PLA2G6: variants seen among roughly 807,000 people sequenced by gnomAD.
PLA2G6 encodes 85/88 kDa calcium-independent phospholipase A2.
In PLA2G6, 62 loss-of-function variants were observed where a neutral mutation model predicts 83.8. The observed-to-expected ratio is 0.74, with a 90% CI of 0.60 to 0.91. The LOEUF is 0.91. Ranked by LOEUF, PLA2G6 falls within the 40% of genes least tolerant of loss-of-function variation. PLA2G6 has a pLI of 0.00. For synonymous variants in PLA2G6, 417 were observed against 449.8 expected (o/e 0.93, Z 0.92); for missense variants, 944 against 1,102.0 (o/e 0.86, Z 2.03).
At chr22:38,126,089 G>A in intron 10 of PLA2G6, 1 of 486,316 alleles carries the variant, frequency 2.1e-6, no homozygotes, top group South Asian at 1.8e-5. Context: ...CTAGCCATAA[G>A]GAGATCAGGG....
At chr22:38,164,935 C>T (rs376037785) in intron 2 of PLA2G6, among the ~76,000 whole-genome samples, 1 of 151,506 alleles carries the variant, frequency 6.6e-6, no homozygotes, top group Admixed American at 6.6e-5. Flanking sequence ...CCCTGGAGAA[C>T]CCCAGGGCTC....
chr22:38,114,421 A>AAG (rs2087064956), intron 14 of PLA2G6, among the ~76,000 whole-genome samples: 1 of 152,064 alleles, frequency 6.6e-6, no homozygotes. Context: ...TCCTGACCTC[A>AAG]TGATCCACTT....
chr22:38,122,491 G>A (rs761488014), intron 11 of PLA2G6, among the ~76,000 whole-genome samples: 3 of 152,314 alleles, frequency 2.0e-5, no homozygotes, highest in Non-Finnish European at 4.4e-5. Context: ...TTCGCAAAGC[G>A]GCAGTGAAAG....
At chr22:38,157,852 T>G (rs1011314964) in intron 2 of PLA2G6, among the ~76,000 whole-genome samples, 1 of 151,904 alleles carries the variant, frequency 6.6e-6, no homozygotes, top group Non-Finnish European at 1.5e-5. Context: ...CTGGCCAACA[T>G]GGTGAAACCC....
At chr22:38,122,495 G>A (rs1037741544) in intron 11 of PLA2G6, among the ~76,000 whole-genome samples, 3 of 152,168 alleles carry the variant, frequency 2.0e-5, no homozygotes, top group African/African-American at 7.2e-5. Flanking sequence ...CAAAGCGGCA[G>A]TGAAAGGAGA....
At chr22:38,113,777 C>T (rs12165464) in intron 14 of PLA2G6, 123 bp from the exon 15 acceptor site, 1 of 886,258 alleles carries the variant, frequency 1.1e-6, no homozygotes, top group Admixed American at 1.8e-5. Context: ...CAAGAGGTCT[C>T]TGGTGGCAAG....
chr22:38,129,542 G>T lies in PLA2G6; in HGVS notation c.1098C>A (p.Ile366=). The change falls in exon 8 of 17, where the codon ATC becomes ATA. Residue 366 remains isoleucine (I), a synonymous_variant. Coordinates refer to ENST00000332509, the MANE Select transcript of PLA2G6 (RefSeq NM_003560.4). ...CTGCTCCGAACACGATGAGGGCCTTGATCATCTCCACGTTGTCTTTCTGTT... is the reference window on the plus strand; with the variant it reads ...CTGCTCCGAACACGATGAGGGCCTTTATCATCTCCACGTTGTCTTTCTGTT... ...LAMSKDNVEM[I]KALIVFGAEV... is the part of the protein sequence containing the mutation. The T allele has an allele frequency of 6.2e-7, 1 of 1,613,478 alleles. No individual in the cohort carries two copies. The highest frequency in any genetic ancestry group is 1.3e-5 in the African/African-American group (1 of 75,028).
intron 2 of PLA2G6, among the ~76,000 whole-genome samples, chr22:38,156,977 GAAGTACTAAGAGGA>G (rs1309482886): frequency 6.6e-6 from 1 of 152,094 alleles, no homozygotes; most frequent in East Asian, 1.9e-4. Flanking sequence ...TACAGGGAAA[GAAGTACTAAGAGGA>G]AAGTTGTACC....
At chr22:38,179,333 A>G (rs977382123) in intron 1 of PLA2G6, among the ~76,000 whole-genome samples, 1 of 152,220 alleles carries the variant, frequency 6.6e-6, no homozygotes, top group African/African-American at 2.4e-5. Context: ...GGTAAGAAAC[A>G]GAGAGGCATC....
intron 12 of PLA2G6, among the ~76,000 whole-genome samples, chr22:38,117,660 G>A (rs141962592): frequency 3.2e-4 from 48 of 152,288 alleles, no homozygotes; most frequent in African/African-American, 9.1e-4. Flanking sequence ...GAAGCAAAAC[G>A]TGTATCCAAC....
intron 7 of PLA2G6, chr22:38,130,199 G>A (rs1021015172): frequency 5.6e-6 from 1 of 179,968 alleles, no homozygotes; most frequent in African/African-American, 2.4e-5. Flanking sequence ...CCTAGAGAAT[G>A]AAGCTGTGGG....
rs1602261191 is a variant in PLA2G6 at position 38,167,261 on chromosome 22, T to C, written c.209+1957A>G. Among the ~76,000 whole-genome samples the C allele has an allele frequency of 2.0e-5, 3 of 150,936 alleles. No individual in the cohort carries two copies. In the South Asian group the frequency reaches 6.3e-4, roughly 32 times the overall value. ...AAAAAAAAGAAAACAAAAAATCCTG[T>C]AAACTATAAAGTACCACAGAATAGC... On this transcript the variant is annotated intron_variant, in intron 2 of 16. Transcript: ENST00000332509.
chr22:38,158,742 T>C (rs186544228), intron 2 of PLA2G6, among the ~76,000 whole-genome samples: 15 of 152,340 alleles, frequency 9.8e-5, no homozygotes, highest in African/African-American at 2.9e-4. Context: ...TGTTAGTTGG[T>C]AGGACAACTG....
chr22:38,173,940 T>C (rs1255303886), intron 1 of PLA2G6, among the ~76,000 whole-genome samples: 3 of 152,012 alleles, frequency 2.0e-5, no homozygotes, highest in Non-Finnish European at 2.9e-5. Flanking sequence ...TGGTCCCAGC[T>C]ACTCGGGAGG....
intron 2 of PLA2G6, among the ~76,000 whole-genome samples, chr22:38,155,137 G>GA (rs1456061111): frequency 6.6e-6 from 1 of 151,934 alleles, no homozygotes; most frequent in African/African-American, 2.4e-5. Flanking sequence ...TGAGGCAGAA[G>GA]AATGGTGTGA....
At position 38,181,714 on chromosome 22, in the gene PLA2G6, T is replaced by A. The variant is rs890583792; in HGVS notation, c.-96A>T. 2.0e-5 allele frequency: 3 copies of A among 152,206 alleles called. No individual in the cohort carries two copies. Among genetic ancestry groups the A allele is most frequent in the Non-Finnish European group, 2.9e-5 (2 of 68,062 alleles). 9.4% of individuals were successfully genotyped at this position (152,206 alleles called of 1,614,324 possible). A position where few individuals can be genotyped will look rare whatever the true frequency, so the allele number is the denominator to read the frequency against. ...TCCAAAGGAGGGTCCGGCGGAGACT[T>A]GGGAGTCCGGAGCGCCGAGGAAGTT... On this transcript the variant is annotated 5_prime_UTR_variant, in exon 1 of 17. Transcript: ENST00000332509.
intron 12 of PLA2G6, 33 bp from the exon 13 acceptor site, chr22:38,116,244 C>A (rs756906527): frequency 6.2e-7 from 1 of 1,612,574 alleles, no homozygotes; most frequent in South Asian, 1.1e-5. Context: ...GACGGCTGAG[C>A]CACCCGCCCA....
intron 1 of PLA2G6, among the ~76,000 whole-genome samples, chr22:38,176,172 C>T (rs1210294333): frequency 6.6e-6 from 1 of 152,158 alleles, no homozygotes; most frequent in Non-Finnish European, 1.5e-5. Flanking sequence ...TGATCCATCC[C>T]CAGGCTTCGG....
At chr22:38,162,681 G>C (rs2090065606) in intron 2 of PLA2G6, among the ~76,000 whole-genome samples, 1 of 152,172 alleles carries the variant, frequency 6.6e-6, no homozygotes, top group Admixed American at 6.5e-5. Flanking sequence ...GAGGATGTGG[G>C]GGAGCACCCC....
Sources: allele counts gnomAD v4.1 joint callset (sites outside exome capture counted in the v4.1 genomes callset), GRCh38; gene constraint gnomAD v4.1.1; transcripts MANE v1.5; gene names NCBI Gene and HGNC (gene_info 2026-07-23, HGNC 2026-07-21).